EHD4: variants seen among roughly 807,000 people sequenced by gnomAD.
EHD4 encodes EH domain containing 4.
Under a neutral mutation model 51.0 loss-of-function variants are expected in EHD4, and 37 were observed. That is an observed-to-expected ratio of 0.73 (90% CI 0.56 to 0.95). EHD4 has a LOEUF of 0.95. Among genes scored for constraint, EHD4 ranks in the 40% least tolerant of loss-of-function variants. The pLI, the probability that EHD4 is intolerant of heterozygous loss-of-function variation, is 0.00. For missense variants in EHD4, 632 were observed against 733.1 expected (o/e 0.86, Z 1.59); for synonymous variants, 297 against 317.3 (o/e 0.94, Z 0.68).
At chr15:41,929,167 G>A (rs2067682740) in intron 3 of EHD4, among the ~76,000 whole-genome samples, 1 of 152,216 alleles carries the variant, frequency 6.6e-6, no homozygotes, top group Non-Finnish European at 1.5e-5. Flanking sequence ...CAGGGATGGC[G>A]TTGTGCTGTT....
intron 3 of EHD4, among the ~76,000 whole-genome samples, chr15:41,932,156 C>T (rs1339868871): frequency 6.6e-6 from 1 of 152,150 alleles, no homozygotes; most frequent in Non-Finnish European, 1.5e-5. Context: ...AAAAGGATGG[C>T]ACCTATTAAT....
Position 41,953,933 on chromosome 15 carries a change from G to A in EHD4, c.244C>T (p.Leu82=). 1 of 1,612,376 alleles carries A rather than the reference G, an allele frequency of 6.2e-7. No individual in the cohort carries two copies. The change falls in exon 2 of 6, where the codon CTG becomes TTG. Residue 82 remains leucine, a synonymous_variant. Transcript: ENST00000220325. The part of the protein sequence containing the change: ...TGKTTFIRYL[L]EQDFPGMRIG... ...CTCATGCCTGGGAAATCCTGCTCCAGTAGGTATCTGGGAGAGGGAAGAAGA... is the reference window on the plus strand; with the variant it reads ...CTCATGCCTGGGAAATCCTGCTCCAATAGGTATCTGGGAGAGGGAAGAAGA...
Position 41,953,817 on chromosome 15 carries a change from G to A in EHD4, c.360C>T (p.Asp120=), listed in dbSNP as rs1163816924. The A allele has an allele frequency of 1.9e-6, 3 of 1,613,362 alleles. No individual in the cohort carries two copies. The highest frequency in any genetic ancestry group is 2.2e-5 in the South Asian group (2 of 90,900). ...TGAGCTTTCTAAACGGCTTTTTGGGGTCCACGACTAAAGCATTCCCTGGGG... is the reference window on the plus strand; with the variant it reads ...TGAGCTTTCTAAACGGCTTTTTGGGATCCACGACTAAAGCATTCCCTGGGG... The part of the protein sequence containing the change: ...GSTPGNALVV[D]PKKPFRKLSR... Residue 120 remains aspartate (D), a synonymous_variant, in exon 2 of 6, where the codon GAC becomes GAT. Coordinates refer to ENST00000220325, the MANE Select transcript of EHD4 (RefSeq NM_139265.4).
rs989730771 is a variant in EHD4, at chr15:41,900,888, G to C, written c.1383C>G (p.Ile461Met). ...YDELFYTLSP[I>M]NGKISGVNAK... ...CGTTGACACCTGATATCTTGCCATT[G>C]ATGGGCGACAGAGTGTAGAAGAGCT... The change falls in exon 6 of 6, where the codon ATC (isoleucine) becomes ATG (methionine). Residue 461 changes from isoleucine (I) to methionine (M), a missense_variant. Coordinates refer to ENST00000220325, the MANE Select transcript of EHD4 (RefSeq NM_139265.4). This position sits in a 1 kb window ranked among gnomAD's most constrained non-coding sequence, Gnocchi z 4.8. 8.7e-6 allele frequency: 14 copies of C among 1,614,056 alleles called. No individual in the cohort carries two copies. Among genetic ancestry groups the C allele is most frequent in the African/African-American group, 1.3e-5 (1 of 74,922 alleles).
At chr15:41,930,462 T>C (rs530677455) in intron 3 of EHD4, among the ~76,000 whole-genome samples, 5 of 152,332 alleles carry the variant, frequency 3.3e-5, no homozygotes, top group African/African-American at 1.2e-4. Context: ...TGACAATGCA[T>C]CTTGTCATTC....
At chr15:41,970,219 T>C (rs1195924901) in intron 1 of EHD4, among the ~76,000 whole-genome samples, 2 of 152,230 alleles carry the variant, frequency 1.3e-5, no homozygotes, top group African/African-American at 4.8e-5. Context: ...TCCTGTGGCC[T>C]CACCAAGCTT....
In EHD4 at chr15:41,953,960, G is replaced by T; in HGVS notation, c.237-20C>A. 1 of 1,607,358 alleles carries T rather than the reference G, an allele frequency of 6.2e-7. No individual in the cohort carries two copies. On this transcript the variant is annotated intron_variant, in intron 1 of 5. Coordinates refer to ENST00000220325, the MANE Select transcript of EHD4 (RefSeq NM_139265.4). ...AGGTATCTGGGAGAGGGAAGAAGAAGAGAAAGCTTAGCATCTTATCACAAA... is the reference window on the plus strand; with the variant it reads ...AGGTATCTGGGAGAGGGAAGAAGAATAGAAAGCTTAGCATCTTATCACAAA...
intron 2 of EHD4, among the ~76,000 whole-genome samples, chr15:41,949,534 T>C (rs2067839391): frequency 6.6e-6 from 1 of 152,164 alleles, no homozygotes; most frequent in Non-Finnish European, 1.5e-5. Flanking sequence ...AGTGGTTGTT[T>C]ATCATCACCA....
At chr15:41,906,267 C>T (rs1031226713) in intron 5 of EHD4, among the ~76,000 whole-genome samples, 2 of 152,166 alleles carry the variant, frequency 1.3e-5, no homozygotes, top group Non-Finnish European at 2.9e-5. Flanking sequence ...TTGACTGGTG[C>T]CTTTGTTTTA....
chr15:41,911,441 C>G (rs1465227366), intron 4 of EHD4, among the ~76,000 whole-genome samples: 1 of 152,086 alleles, frequency 6.6e-6, no homozygotes. Context: ...TGGTAAGATA[C>G]CAACTCCTTT....
chr15:41,936,602 C>T (rs1343981387), intron 3 of EHD4, among the ~76,000 whole-genome samples: 1 of 152,144 alleles, frequency 6.6e-6, no homozygotes, highest in Non-Finnish European at 1.5e-5. Flanking sequence ...AAGTGTCCTT[C>T]TCCCCATCAA....
At chr15:41,954,325 T>C (rs1325674109) in intron 1 of EHD4, among the ~76,000 whole-genome samples, 1 of 152,328 alleles carries the variant, frequency 6.6e-6, no homozygotes, top group East Asian at 1.9e-4. Flanking sequence ...GAGGGCAGAC[T>C]CATGTCCCAA....
intron 1 of EHD4, among the ~76,000 whole-genome samples, chr15:41,960,142 C>A (rs72726031): frequency 0.096 from 14,586 of 152,154 alleles, 842 homozygotes; most frequent in South Asian, 0.26. Context: ...TAGATACTAA[C>A]AAATGACAGG....
At chr15:41,955,549 C>T (rs184924710) in intron 1 of EHD4, among the ~76,000 whole-genome samples, 1 of 152,268 alleles carries the variant, frequency 6.6e-6, no homozygotes, top group East Asian at 1.9e-4. Flanking sequence ...CAAGGGCCAG[C>T]TCTCCCTACT....
chr15:41,913,325 G>T (rs952240326), intron 4 of EHD4, among the ~76,000 whole-genome samples: 5 of 152,184 alleles, frequency 3.3e-5, no homozygotes, highest in Non-Finnish European at 7.3e-5. Flanking sequence ...CAGACCTGGT[G>T]GTTGTCCCTG....
intron 1 of EHD4, among the ~76,000 whole-genome samples, chr15:41,965,171 C>T (rs1452847299): frequency 6.6e-6 from 1 of 152,118 alleles, no homozygotes; most frequent in Admixed American, 6.5e-5. Context: ...CAGTTCATTG[C>T]AACATTATGT....
intron 4 of EHD4, among the ~76,000 whole-genome samples, chr15:41,918,674 G>T (rs1234623342): frequency 6.6e-6 from 1 of 152,144 alleles, no homozygotes; most frequent in Admixed American, 6.5e-5. Flanking sequence ...ATGCGGGGGT[G>T]ACCCAAAACC....
rs75719159 is a variant in EHD4, at chr15:41,923,226, C to T, written c.512-3604G>A. Among the ~76,000 whole-genome samples the T allele has an allele frequency of 4.3e-3, 659 of 152,302 alleles. 5 individuals are homozygous for T. Among genetic ancestry groups the T allele is most frequent in the African/African-American group, 0.015 (627 of 41,564 alleles). ...TCTATGAATTTGACTACTCTAGGTA[C>T]TTCAGAGAAGTGTCCTTTTGTGCCC... On this transcript the variant is annotated intron_variant, in intron 3 of 5. Coordinates refer to ENST00000220325, the MANE Select transcript of EHD4 (RefSeq NM_139265.4).
chr15:41,966,943 A>G (rs571041689), intron 1 of EHD4, among the ~76,000 whole-genome samples: 120 of 152,278 alleles, frequency 7.9e-4, no homozygotes, highest in African/African-American at 2.7e-3. Flanking sequence ...TACTTCCCAG[A>G]TGCTGGCTAC....
Sources: allele counts gnomAD v4.1 joint callset (sites outside exome capture counted in the v4.1 genomes callset), GRCh38; gene constraint gnomAD v4.1.1; non-coding constraint Gnocchi (gnomAD v3.1); transcripts MANE v1.5; gene names NCBI Gene and HGNC (gene_info 2026-07-23, HGNC 2026-07-21).